The following ZNF680 variants were observed in gnomAD, a reference collection of about 807,000 sequenced individuals.
ZNF680 encodes the protein zinc finger protein 680.
A neutral mutation model predicts 12.1 loss-of-function variants in ZNF680; 6 were observed. The ratio of observed to expected loss-of-function variants is 0.49; its 90% CI spans 0.27 to 0.98. The LOEUF is 0.98. ZNF680 is among the 50% of genes least tolerant of loss of function. The probability of loss-of-function intolerance (pLI) is 0.12; values close to 1 mark genes in which losing one functional copy is unlikely to be tolerated. For missense variants in ZNF680, 561 were observed against 616.3 expected (o/e 0.91, Z 0.95); for synonymous variants, 170 against 199.3 (o/e 0.85, Z 1.24).
chr7:64,532,034 G>T (rs866278130), intron 3 of ZNF680, among the ~76,000 whole-genome samples: 7 of 152,212 alleles, frequency 4.6e-5, no homozygotes, highest in Middle Eastern at 3.4e-3. Context: ...GGCCAGGCAC[G>T]GTGGCTCACG....
intron 1 of ZNF680, among the ~76,000 whole-genome samples, chr7:64,559,121 T>G (rs1787583576): frequency 6.6e-6 from 1 of 152,168 alleles, no homozygotes; most frequent in South Asian, 2.1e-4. Flanking sequence ...AACTCTACAT[T>G]TTATACAAGA....
chr7:64,543,488 TGAAG>T (rs1786617190), intron 3 of ZNF680, among the ~76,000 whole-genome samples: 1 of 152,214 alleles, frequency 6.6e-6, no homozygotes, highest in Non-Finnish European at 1.5e-5. Flanking sequence ...ACAGTAAACT[TGAAG>T]GAAGATCACT....
the ZNF680 span, among the ~76,000 whole-genome samples, chr7:64,505,118 C>T: frequency 6.6e-6 from 1 of 152,146 alleles, no homozygotes; most frequent in African/African-American, 2.4e-5. Flanking sequence ...ACATAATGAT[C>T]GAGCAAAGCC....
downstream of ZNF680, among the ~76,000 whole-genome samples, chr7:64,515,807 G>A (rs1396316300): frequency 1.4e-5 from 2 of 147,426 alleles, no homozygotes; most frequent in Admixed American, 1.4e-4. Flanking sequence ...AAACACAGTG[G>A]GCTCCAGTGG....
intron 1 of ZNF680, among the ~76,000 whole-genome samples, chr7:64,549,678 TA>T (rs535286350): frequency 3.7e-4 from 53 of 142,458 alleles, no homozygotes; most frequent in East Asian, 1.0e-3. Context: ...TATGTCTACC[TA>T]AAAAAAAAAA....
downstream of ZNF680, among the ~76,000 whole-genome samples, chr7:64,516,897 AT>A (rs919531258): frequency 8.1e-4 from 124 of 152,254 alleles, 1 homozygote; most frequent in African/African-American, 2.8e-3. Context: ...AAGACAAAAA[AT>A]ATTTAAAAAT....
the ZNF680 span, among the ~76,000 whole-genome samples, chr7:64,504,766 G>C: frequency 6.6e-6 from 1 of 152,270 alleles, no homozygotes; most frequent in South Asian, 2.1e-4. Flanking sequence ...ACCTATTAGG[G>C]TCTTAATTTA....
At chr7:64,515,592 C>T (rs1310178371), downstream of ZNF680, among the ~76,000 whole-genome samples, 1 of 151,954 alleles carries the variant, frequency 6.6e-6, no homozygotes. Context: ...AAGCTGCAGG[C>T]ACCAATAAAA....
In ZNF680 at chr7:64,539,130, C is replaced by CAA. The variant is rs529165573; in HGVS notation, c.253+4575_253+4576dup. 1.9e-3 allele frequency among the ~76,000 whole-genome samples: 144 copies of CAA among 77,696 alleles called. 1 individual carries two copies. The highest frequency in any genetic ancestry group is 6.2e-3 in the African/African-American group (116 of 18,750). 51.0% of individuals were successfully genotyped at this position (77,696 alleles called of 152,430 possible). On this transcript the variant is annotated intron_variant, in intron 3 of 3. Transcript: ENST00000309683. ...TGGGAGGCAGAGCAAGACTCCATCT[C>CAA]AAAAAAAAAAAAAAAAAAAAGCCAA...
At chr7:64,539,517 A>G (rs1266744243) in intron 3 of ZNF680, among the ~76,000 whole-genome samples, 1 of 152,144 alleles carries the variant, frequency 6.6e-6, no homozygotes, top group East Asian at 1.9e-4. Context: ...AGAAAGTGGA[A>G]GCGTGTCTGT....
intron 3 of ZNF680, among the ~76,000 whole-genome samples, chr7:64,539,351 CAAAAAAAAA>C (rs1170166478): frequency 2.1e-5 from 1 of 48,480 alleles, no homozygotes; most frequent in Admixed American, 3.0e-4. Context: ...AACTTCGTCT[CAAAAAAAAA>C]AAAAAAAAAA....
At chr7:64,539,134 A>C (rs1380176449) in intron 3 of ZNF680, among the ~76,000 whole-genome samples, 2 of 90,688 alleles carry the variant, frequency 2.2e-5, no homozygotes, top group African/African-American at 3.8e-5. Context: ...CCATCTCAAA[A>C]AAAAAAAAAA....
chr7:64,553,378 T>C (rs941857401), intron 1 of ZNF680, among the ~76,000 whole-genome samples: 1 of 151,842 alleles, frequency 6.6e-6, no homozygotes, highest in African/African-American at 2.4e-5. Context: ...ATAGCCTTAA[T>C]AGCCTTCCTT....
At chr7:64,551,984 C>T (rs972231550) in intron 1 of ZNF680, 1 of 152,208 alleles carries the variant, frequency 6.6e-6, no homozygotes, top group Non-Finnish European at 1.5e-5. Flanking sequence ...TAAGATTCCT[C>T]CATCTCTGCT....
At chr7:64,523,885 C>T (rs1341440202) in intron 3 of ZNF680, among the ~76,000 whole-genome samples, 1 of 151,504 alleles carries the variant, frequency 6.6e-6, no homozygotes, top group Non-Finnish European at 1.5e-5. Flanking sequence ...TGCACTCCAG[C>T]CTGGGCGACA....
chr7:64,528,979 T>TAAAC (rs1352497580), intron 3 of ZNF680, among the ~76,000 whole-genome samples: 1 of 152,070 alleles, frequency 6.6e-6, no homozygotes, highest in Non-Finnish European at 1.5e-5. Context: ...GAGAAACCCA[T>TAAAC]AAACAGTTCA....
the ZNF680 span, among the ~76,000 whole-genome samples, chr7:64,505,773 C>CTT: frequency 1.8e-4 from 27 of 146,928 alleles, no homozygotes; most frequent in Admixed American, 2.0e-4. Context: ...AATTAGACTC[C>CTT]TTTTTTTTTT....
chr7:64,516,885 T>C (rs941694037), downstream of ZNF680, among the ~76,000 whole-genome samples: 2 of 151,978 alleles, frequency 1.3e-5, no homozygotes, highest in Admixed American at 6.6e-5. Context: ...AGCAATAAAA[T>C]CAAGACAAAA....
At position 64,535,630 on chromosome 7, in the gene ZNF680, A is replaced by G. The variant is rs114265710; in HGVS notation, c.253+8077T>C. On this transcript the variant is annotated intron_variant, in intron 3 of 3. Transcript: ENST00000309683. The stretch of plus-strand genomic sequence containing the variant: ...GATTGGGTGAGATGGTCATCATTAT[A>G]TTAGATATAATATACTTTAAGTGAA... Among the ~76,000 whole-genome samples, 759 of 152,252 alleles carry G rather than the reference A, an allele frequency of 5.0e-3. 5 individuals are homozygous for G. Among genetic ancestry groups the G allele is most frequent in the African/African-American group, 0.017 (688 of 41,544 alleles).
Sources: allele counts gnomAD v4.1 joint callset (sites outside exome capture counted in the v4.1 genomes callset), GRCh38; gene constraint gnomAD v4.1.1; transcripts MANE v1.5; gene names NCBI Gene and HGNC (gene_info 2026-07-23, HGNC 2026-07-21).